Variants in PLS1 observed in about 807,000 individuals in gnomAD.
PLS1 encodes the protein plastin-1.
Under a neutral mutation model 73.7 loss-of-function variants are expected in PLS1, and 32 were observed. The ratio of observed to expected loss-of-function variants is 0.43; its 90% CI spans 0.33 to 0.58. The LOEUF (loss-of-function observed/expected upper bound fraction) is 0.58. Among genes scored for constraint, PLS1 ranks in the 20% least tolerant of loss-of-function variants. The pLI, the probability that PLS1 is intolerant of heterozygous loss-of-function variation, is 0.04. For synonymous variants in PLS1, 217 were observed against 261.3 expected (o/e 0.83, Z 1.63); for missense variants, 633 against 740.5 (o/e 0.85, Z 1.68).
At chr3:142,679,506 C>G (rs2107872899) in intron 6 of PLS1, among the ~76,000 whole-genome samples, 1 of 152,236 alleles carries the variant, frequency 6.6e-6, no homozygotes, top group Admixed American at 6.5e-5. Flanking sequence ...AGCCAGTTTT[C>G]CCAGCACTAT....
chr3:142,701,771 G>A (rs933575101), intron 12 of PLS1, among the ~76,000 whole-genome samples: 1 of 152,172 alleles, frequency 6.6e-6, no homozygotes, highest in Admixed American at 6.5e-5. Flanking sequence ...CTGTAAAGCA[G>A]ATGGCTCTTC....
chr3:142,691,187 C>G (rs1168764607), intron 10 of PLS1, among the ~76,000 whole-genome samples: 1 of 151,944 alleles, frequency 6.6e-6, no homozygotes, highest in African/African-American at 2.4e-5. Flanking sequence ...AACGACGTTT[C>G]AGATTTAACA....
In PLS1 at chr3:142,711,509, T is replaced by G; in HGVS notation, c.1638T>G (p.Ser546=). Residue 546 remains serine (S), a synonymous_variant, in exon 15 of 16, where the codon TCT becomes TCG. Transcript: ENST00000457734. ...TATGCTTTATTTTCTAGGATAAATC[T>G]ATAAGCACAAGTTTACCTGTCCTAG... ...KTSISSFKDK[S]ISTSLPVLDL... is the part of the protein sequence containing the mutation. 1.3e-6 allele frequency: 2 copies of G among 1,584,032 alleles called. No individual in the cohort carries two copies. The highest frequency in any genetic ancestry group is 1.7e-4 in the Middle Eastern group (1 of 5,970).
chr3:142,612,729 GAA>G (rs10716821), intron 1 of PLS1, among the ~76,000 whole-genome samples: 1 of 148,452 alleles, frequency 6.7e-6, no homozygotes, highest in Admixed American at 6.7e-5. Flanking sequence ...CTCAAAAAAA[GAA>G]AAAAAAAATC....
At chr3:142,624,557 A>G (rs1432436900) in intron 1 of PLS1, among the ~76,000 whole-genome samples, 1 of 152,214 alleles carries the variant, frequency 6.6e-6, no homozygotes, top group Non-Finnish European at 1.5e-5. Context: ...CAGTTTACAT[A>G]GACCCCAGTG....
chr3:142,622,405 C>G (rs576718084), intron 1 of PLS1, among the ~76,000 whole-genome samples: 2 of 152,162 alleles, frequency 1.3e-5, no homozygotes, highest in East Asian at 3.8e-4. Flanking sequence ...ATTTTGCTTT[C>G]CATCCCTCCT....
intron 1 of PLS1, among the ~76,000 whole-genome samples, chr3:142,614,108 C>T (rs1457637548): frequency 2.0e-5 from 3 of 152,190 alleles, no homozygotes; most frequent in Non-Finnish European, 4.4e-5. Context: ...TCTCTCTCCT[C>T]ACCCTCTGTG....
At chr3:142,599,888 C>A (rs2035884902) in intron 1 of PLS1, among the ~76,000 whole-genome samples, 1 of 152,116 alleles carries the variant, frequency 6.6e-6, no homozygotes, top group South Asian at 2.1e-4. Flanking sequence ...TCCCAAGTAG[C>A]TGTGGCCACA....
At chr3:142,675,009 G>A (rs986260454) in intron 4 of PLS1, among the ~76,000 whole-genome samples, 3 of 152,076 alleles carry the variant, frequency 2.0e-5, no homozygotes, top group African/African-American at 4.8e-5. Context: ...GGGATTACAG[G>A]CATGAGCCAC....
intron 8 of PLS1, among the ~76,000 whole-genome samples, chr3:142,685,864 G>T (rs111859669): frequency 1.3e-5 from 2 of 152,312 alleles, no homozygotes; most frequent in African/African-American, 4.8e-5. Context: ...GACATTAGAT[G>T]ATTTAATAGT....
chr3:142,689,530 G>A, intron 9 of PLS1, 88 bp from the exon 10 acceptor site: 1 of 583,038 alleles, frequency 1.7e-6, no homozygotes, highest in Admixed American at 3.6e-5. Context: ...ATATATTTGT[G>A]GAAAAGTAAT....
At chr3:142,620,631 A>G (rs1195253573) in intron 1 of PLS1, among the ~76,000 whole-genome samples, 1 of 152,234 alleles carries the variant, frequency 6.6e-6, no homozygotes, top group Non-Finnish European at 1.5e-5. Context: ...AGTTACAGAT[A>G]CAACTTTGAT....
chr3:142,631,664 GAA>G (rs71153981), intron 1 of PLS1, among the ~76,000 whole-genome samples: 264 of 39,400 alleles, frequency 6.7e-3, no homozygotes, highest in African/African-American at 0.025. Flanking sequence ...CCTGTCTCTA[GAA>G]AAAAAAAAAA....
chr3:142,704,711 C>T (rs749524635), intron 14 of PLS1, 125 bp downstream of exon 14: 42 of 433,992 alleles, frequency 9.7e-5, no homozygotes, highest in Non-Finnish European at 1.3e-4. Context: ...TGCAGTGGCG[C>T]GATCTTGGCT....
intron 1 of PLS1, among the ~76,000 whole-genome samples, chr3:142,640,307 C>G (rs924709282): frequency 4.6e-5 from 7 of 152,118 alleles, no homozygotes; most frequent in Admixed American, 4.6e-4. Flanking sequence ...TACTTGGGTT[C>G]ATACAACAAA....
At chr3:142,641,872 G>A (rs892215592) in intron 1 of PLS1, among the ~76,000 whole-genome samples, 1 of 151,960 alleles carries the variant, frequency 6.6e-6, no homozygotes, top group Non-Finnish European at 1.5e-5. Context: ...TCTATCTGTA[G>A]TATGTGTTAA....
At chr3:142,623,063 G>A (rs2036347312) in intron 1 of PLS1, among the ~76,000 whole-genome samples, 2 of 152,068 alleles carry the variant, frequency 1.3e-5, no homozygotes, top group Non-Finnish European at 2.9e-5. Flanking sequence ...GGCTCAGGTG[G>A]TCCTCCTGCC....
intron 15 of PLS1, 83 bp downstream of exon 15, chr3:142,711,708 A>T: frequency 7.4e-7 from 1 of 1,353,076 alleles, no homozygotes. Flanking sequence ...TGCCCTTAAA[A>T]TTCATATTTT....
chr3:142,698,215 C>G, intron 12 of PLS1, 148 bp downstream of exon 12: 1 of 545,516 alleles, frequency 1.8e-6, no homozygotes, highest in Non-Finnish European at 3.3e-6. Context: ...TACAAGTTTG[C>G]TTTAATAAAT....
Sources: gnomAD v4.1 joint callset for allele counts (sites outside exome capture counted in the v4.1 genomes callset) on GRCh38, gnomAD v4.1.1 for gene constraint, MANE v1.5 for transcripts, NCBI Gene and HGNC (gene_info 2026-07-23, HGNC 2026-07-21) for gene names.